MDN1: variants seen among roughly 807,000 people sequenced by gnomAD.
MDN1 encodes midasin AAA ATPase 1, also known as midasin.
MDN1 carries 266 observed loss-of-function variants against 669.2 expected under a neutral mutation model. The ratio of observed to expected loss-of-function variants is 0.40; its 90% CI spans 0.36 to 0.44. The LOEUF is 0.44. Among genes scored for constraint, MDN1 ranks in the 20% least tolerant of loss-of-function variants. MDN1 has a pLI of 1.00. For missense variants in MDN1, 5,940 were observed against 6,754.0 expected, an observed-to-expected ratio of 0.88 and a Z score of 4.22; for synonymous variants, 2,385 against 2,457.1, an observed-to-expected ratio of 0.97 and a Z score of 0.87.
Position 89,718,580 on chromosome 6 carries a change from T to A in MDN1, c.6369A>T (p.Gly2123=). 6.2e-7 allele frequency: 1 copy of A among 1,614,054 alleles called. No individual in the cohort carries two copies. Among genetic ancestry groups the A allele is most frequent in the Non-Finnish European group, 8.5e-7 (1 of 1,180,006 alleles). The change falls in exon 43 of 102, where the codon GGA becomes GGT. Residue 2123 remains glycine (G), a synonymous_variant. Transcript: ENST00000369393. ...TATCCCTTAACAGTGCCCTTACAGT[T>A]CCCTCCACCTTCTCTAGCAGCCTCC... is the stretch of plus-strand genomic sequence containing the variant. ...PWRRLLEKVE[G]TVRALLRDSL...
At position 89,758,496 on chromosome 6, in the gene MDN1, A is replaced by T. The variant is rs1817369264; in HGVS notation, c.2606-145T>A. ...CTGAAATAACTTTCCAGACCTATGT[A>T]TTCAATCTAATCTTATACTGCAGTC... On this transcript the variant is annotated intron_variant, in intron 18 of 101. Coordinates refer to ENST00000369393, the MANE Select transcript of MDN1 (RefSeq NM_014611.3). 4.4e-6 allele frequency: 3 copies of T among 684,748 alleles called. No homozygotes were observed. The East Asian group carries it at 8.1e-5, about 19-fold the overall frequency. The allele number at this position is 684,748 out of a possible 1,614,324, so 42.4% of individuals were successfully genotyped here. A position where few individuals can be genotyped will look rare whatever the true frequency, so the allele number is the denominator to read the frequency against.
chr6:89,755,771 T>C (rs1817213011), intron 20 of MDN1, among the ~76,000 whole-genome samples: 1 of 152,186 alleles, frequency 6.6e-6, no homozygotes, highest in Non-Finnish European at 1.5e-5. Context: ...ATGTTGTCCA[T>C]ATGGCATACA....
intron 73 of MDN1, among the ~76,000 whole-genome samples, chr6:89,680,967 T>G (rs1035765514): frequency 6.6e-6 from 1 of 152,166 alleles, no homozygotes; most frequent in Admixed American, 6.5e-5. Context: ...AGGACCCCCA[T>G]GCCCCTACAT....
At chr6:89,687,524 G>T in intron 67 of MDN1, 86 bp from the exon 68 acceptor site, 2 of 1,152,506 alleles carry the variant, frequency 1.7e-6, no homozygotes, top group South Asian at 1.3e-5. Context: ...AACTTTGCTT[G>T]AGTGAAGACT....
chr6:89,774,526 C>A, intron 13 of MDN1, 95 bp downstream of exon 13: 1 of 863,244 alleles, frequency 1.2e-6, no homozygotes. Context: ...ACAGTTCAGA[C>A]ATGTGTTTTG....
At chr6:89,666,862 T>G (rs967457641) in intron 84 of MDN1, among the ~76,000 whole-genome samples, 1 of 152,214 alleles carries the variant, frequency 6.6e-6, no homozygotes, top group Non-Finnish European at 1.5e-5. Context: ...ACCATCTCAT[T>G]CTACTTCATT....
At position 89,729,578 on chromosome 6, in the gene MDN1, C is replaced by T. The variant is rs1815442919; in HGVS notation, c.5141-439G>A. On this transcript the variant is annotated intron_variant, in intron 35 of 101. Coordinates refer to ENST00000369393, the MANE Select transcript of MDN1 (RefSeq NM_014611.3). ...CCACCAAAACAATTCACACTGTGTC[C>T]TTAACCTGTAAGTTAACTGATATGC... Among the ~76,000 whole-genome samples, 6 of 152,100 alleles carry T rather than the reference C, an allele frequency of 3.9e-5. No individual in the cohort carries two copies. In the South Asian group the frequency reaches 1.2e-3, roughly 32 times the overall value.
chr6:89,797,893 A>G (rs946499335), intron 2 of MDN1: 2 of 176,466 alleles, frequency 1.1e-5, no homozygotes, highest in South Asian at 1.1e-4. Flanking sequence ...GATTTATTAG[A>G]AAGTCGGCCA....
chr6:89,771,668 C>G (rs188919610), intron 14 of MDN1, 47 bp from the exon 15 acceptor site: 2 of 1,480,694 alleles, frequency 1.4e-6, no homozygotes, highest in Non-Finnish European at 1.9e-6. Flanking sequence ...ATTTAAAGAC[C>G]GATAATATCC....
intron 44 of MDN1, 135 bp downstream of exon 44, chr6:89,716,515 G>T: frequency 1.1e-6 from 1 of 898,108 alleles, no homozygotes; most frequent in Non-Finnish European, 1.6e-6. Flanking sequence ...GAAGTCTACA[G>T]AATATGGCTG....
Position 89,644,182 on chromosome 6 carries a change from C to A in MDN1, c.16614G>T (p.Leu5538Phe). 1 of 1,610,132 alleles carries A rather than the reference C, an allele frequency of 6.2e-7. No individual in the cohort carries two copies. The highest frequency in any genetic ancestry group is 1.1e-5 in the South Asian group (1 of 90,246). ...LDNPSSRDSI[L>F]DIKVPIFKGP... Reference sequence around the variant, plus strand: ...CTTTAAATATCGGTACTTTAATGTCCAAGATAGAATCCTGTCAACAAAAGA... The same window carrying A: ...CTTTAAATATCGGTACTTTAATGTCAAAGATAGAATCCTGTCAACAAAAGA... Residue 5538 changes from leucine (L) to phenylalanine (F), a missense_variant, in exon 102 of 102, where the codon TTG becomes TTT. Physicochemically the swap from Leu to Phe is conservative, Grantham distance 22. This residue lies in a region of MDN1 where 2,280 missense variants were observed against 2,576.3 expected (regional missense o/e 0.88). Coordinates refer to ENST00000369393, the MANE Select transcript of MDN1 (RefSeq NM_014611.3).
intron 72 of MDN1, 111 bp downstream of exon 72, chr6:89,683,720 A>C (rs1811803813): frequency 2.6e-6 from 2 of 772,412 alleles, no homozygotes; most frequent in Non-Finnish European, 4.3e-6. Context: ...TTTTTTGAGA[A>C]GTTTAACACA....
At chr6:89,686,165 C>T (rs1811989696) in intron 69 of MDN1, among the ~76,000 whole-genome samples, 192 bp from the exon 70 acceptor site, 1 of 152,188 alleles carries the variant, frequency 6.6e-6, no homozygotes, top group African/African-American at 2.4e-5. Flanking sequence ...TGGCTCACGC[C>T]TGTAATCCCA....
rs878894074 is a variant in MDN1 at position 89,732,871 on chromosome 6, T to C, written c.4724-96A>G. 8 of 999,870 alleles carry C rather than the reference T, an allele frequency of 8.0e-6. No homozygotes were observed. In the African/African-American group the frequency reaches 9.8e-5, roughly 12 times the overall value. The allele number at this position is 999,870 out of a possible 1,614,324, so 61.9% of individuals were successfully genotyped here. A position where few individuals can be genotyped will look rare whatever the true frequency, so the allele number is the denominator to read the frequency against. ...GCACACAAATGGCCTAAAAGGGGTC[T>C]CTGCTCCTTCTAAGCAAAGTTCTGT... On this transcript the variant is annotated intron_variant, in intron 33 of 101. Coordinates refer to ENST00000369393, the MANE Select transcript of MDN1 (RefSeq NM_014611.3).
chr6:89,798,268 C>T (rs1819720304), intron 2 of MDN1, among the ~76,000 whole-genome samples: 1 of 151,122 alleles, frequency 6.6e-6, no homozygotes, highest in Non-Finnish European at 1.5e-5. Flanking sequence ...AATCCCAGCA[C>T]TTTAAGAGGC....
Position 89,685,697 on chromosome 6 carries a change from C to T in MDN1, c.11719+130G>A, listed in dbSNP as rs577234929. The T allele has an allele frequency of 4.1e-6, 4 of 986,280 alleles. No individual in the cohort carries two copies. In the South Asian group the frequency reaches 6.8e-5, roughly 17 times the overall value. The allele number at this position is 986,280 out of a possible 1,614,324, so 61.1% of individuals were successfully genotyped here. ...TCTTCTCTATATCTAATGTGAATCG[C>T]ATTAAACATAACTAAATGTGTCTTG... On this transcript the variant is annotated intron_variant, in intron 70 of 101. Transcript: ENST00000369393.
rs768151256 is a variant in MDN1 at position 89,653,115 on chromosome 6, T to C, written c.15702A>G (p.Thr5234=). The part of the protein sequence containing the change: ...EMEVEIQTVK[T]EEDQDPRTDK... ...CTGTTCTGGGGTCTTGGTCTTCCTC[T>C]GTTTTAACAGTTTGGATCTCCACTT... Residue 5234 remains threonine, a synonymous_variant, in exon 94 of 102, where the codon ACA becomes ACG. Coordinates refer to ENST00000369393, the MANE Select transcript of MDN1 (RefSeq NM_014611.3). The C allele has an allele frequency of 5.0e-5, 80 of 1,613,898 alleles. No individual in the cohort carries two copies. The highest frequency in any genetic ancestry group is 6.5e-5 in the Non-Finnish European group (77 of 1,179,990).
chr6:89,662,987 G>T lies in MDN1; in HGVS notation c.14237-20C>A. On this transcript the variant is annotated intron_variant, in intron 85 of 101. Transcript: ENST00000369393. ...CCTCTTCTGAAAGGGAAGGCACTGA[G>T]CTTAGGCAGATCTCCAAACTGACCC... 1 of 1,613,654 alleles carries T rather than the reference G, an allele frequency of 6.2e-7. No homozygotes were observed.
intron 1 of MDN1, among the ~76,000 whole-genome samples, chr6:89,809,215 CAAAA>C (rs1167270500): frequency 3.4e-5 from 2 of 59,292 alleles, no homozygotes; most frequent in African/African-American, 6.8e-5. Flanking sequence ...GACACTGTCT[CAAAA>C]AAAAAAAAAA....
Sources: gnomAD v4.1 joint callset for allele counts (sites outside exome capture counted in the v4.1 genomes callset) on GRCh38, gnomAD v4.1.1 for gene constraint, gnomAD v4.1.1 regional missense constraint, MANE v1.5 for transcripts, NCBI Gene and HGNC (gene_info 2026-07-23, HGNC 2026-07-21) for gene names.